The following ARFGEF3 variants were observed in gnomAD, a reference collection of about 807,000 sequenced individuals.
ARFGEF3 encodes brefeldin A-inhibited guanine nucleotide-exchange protein 3.
A neutral mutation model predicts 221.7 loss-of-function variants in ARFGEF3; 96 were observed. The ratio of observed to expected loss-of-function variants is 0.43; its 90% CI spans 0.37 to 0.51. The LOEUF (loss-of-function observed/expected upper bound fraction) is 0.51, where lower values mean the gene tolerates loss of function less well. ARFGEF3 is among the 20% of genes least tolerant of loss of function. The pLI, the probability that ARFGEF3 is intolerant of heterozygous loss-of-function variation, is 0.00. For synonymous variants in ARFGEF3, 1,145 were observed against 1,126.8 expected (o/e 1.02, Z -0.32); for missense variants, 2,410 against 2,789.9 (o/e 0.86, Z 3.07).
At chr6:138,198,901 C>T (rs1016542624) in intron 2 of ARFGEF3, among the ~76,000 whole-genome samples, 1 of 152,208 alleles carries the variant, frequency 6.6e-6, no homozygotes, top group Non-Finnish European at 1.5e-5. Context: ...GCTGACTCTC[C>T]GTGTAGACGT....
At chr6:138,318,001 T>C (rs1394683551) in intron 27 of ARFGEF3, among the ~76,000 whole-genome samples, 3 of 152,172 alleles carry the variant, frequency 2.0e-5, no homozygotes, top group African/African-American at 7.2e-5. Flanking sequence ...TTTCTCAAGA[T>C]CAAAGAAACT....
In ARFGEF3 at chr6:138,220,120, G is replaced by A. The variant is rs142023711; in HGVS notation, c.352-9664G>A. Among the ~76,000 whole-genome samples the A allele has an allele frequency of 2.5e-3, 377 of 152,200 alleles. 1 individual carries two copies. Among genetic ancestry groups the A allele is most frequent in the African/African-American group, 7.9e-3 (330 of 41,530 alleles). ...TGCAGCCTTGACCTCCAGGTCTCAG[G>A]TGATCCTCCAACCTCAGCCTACTGG... On this transcript the variant is annotated intron_variant, in intron 4 of 33. Coordinates refer to ENST00000251691, the MANE Select transcript of ARFGEF3 (RefSeq NM_020340.5).
At chr6:138,312,948 G>A (rs1392824084) in intron 25 of ARFGEF3, among the ~76,000 whole-genome samples, 1 of 152,160 alleles carries the variant, frequency 6.6e-6, no homozygotes, top group African/African-American at 2.4e-5. Flanking sequence ...GATCTCAAGT[G>A]ATCCGCCAGC....
At chr6:138,321,303 G>T in intron 29 of ARFGEF3, 78 bp downstream of exon 29, 2 of 821,966 alleles carry the variant, frequency 2.4e-6, no homozygotes, top group Non-Finnish European at 1.9e-6. Flanking sequence ...TTGTCTTTGT[G>T]GTAGGAATCG....
In ARFGEF3 at chr6:138,175,000, T is replaced by G. The variant is rs577219695; in HGVS notation, c.137+4287T>G. Among the ~76,000 whole-genome samples the G allele has an allele frequency of 1.4e-4, 22 of 152,334 alleles. No individual in the cohort carries two copies. The East Asian group carries it at 4.0e-3, about 28-fold the overall frequency. ...AGGACTTTTGAATGATTTAAGTGAC[T>G]GGTGACTGGATTCAGTTATGCATAA... is the stretch of plus-strand genomic sequence containing the variant. On this transcript the variant is annotated intron_variant, in intron 2 of 33. Transcript: ENST00000251691.
chr6:138,250,068 C>T (rs1392575780), intron 8 of ARFGEF3, among the ~76,000 whole-genome samples: 17 of 152,158 alleles, frequency 1.1e-4, no homozygotes. Context: ...AAACTGGATG[C>T]CTCTTCTACT....
intron 6 of ARFGEF3, among the ~76,000 whole-genome samples, chr6:138,240,275 T>C (rs1048230270): frequency 6.6e-5 from 10 of 152,218 alleles, no homozygotes; most frequent in Admixed American, 2.6e-4. Context: ...TCTTATAATA[T>C]ACACTCATAT....
At chr6:138,306,891 A>T (rs2114659453) in intron 22 of ARFGEF3, among the ~76,000 whole-genome samples, 1 of 151,972 alleles carries the variant, frequency 6.6e-6, no homozygotes, top group Admixed American at 6.5e-5. Context: ...TAAAACTTTT[A>T]AAAAGTCCAA....
chr6:138,259,828 C>T (rs1031312961), intron 10 of ARFGEF3, among the ~76,000 whole-genome samples: 38 of 152,028 alleles, frequency 2.5e-4, no homozygotes, highest in Non-Finnish European at 1.5e-4. Flanking sequence ...ACAGGAGAAT[C>T]GCTTGAACCC....
At chr6:138,264,364 T>C (rs542716594) in intron 12 of ARFGEF3, among the ~76,000 whole-genome samples, 1 of 152,104 alleles carries the variant, frequency 6.6e-6, no homozygotes, top group Non-Finnish European at 1.5e-5. Context: ...AGAAATAAAT[T>C]AATGGGTACA....
At chr6:138,172,016 T>A (rs1313899550) in intron 2 of ARFGEF3, among the ~76,000 whole-genome samples, 3 of 152,240 alleles carry the variant, frequency 2.0e-5, no homozygotes, top group Non-Finnish European at 4.4e-5. Context: ...TCTCTCTTTT[T>A]AAGTAGATTG....
rs554454800 is a variant in ARFGEF3, at chr6:138,325,538, C to T, written c.5001+1384C>T. On this transcript the variant is annotated intron_variant, in intron 31 of 33. Transcript: ENST00000251691. ...TGGGACAGAAGAAAGGTTGTAAGGCCGCAATGAAGAGCCACTTCTAGCAGC... is the reference window on the plus strand; with the variant it reads ...TGGGACAGAAGAAAGGTTGTAAGGCTGCAATGAAGAGCCACTTCTAGCAGC... Among the ~76,000 whole-genome samples, 12 of 152,312 alleles carry T rather than the reference C, an allele frequency of 7.9e-5. No homozygotes were observed. The South Asian group carries it at 1.5e-3, about 18-fold the overall frequency.
At chr6:138,222,256 TA>T (rs200681607) in intron 4 of ARFGEF3, among the ~76,000 whole-genome samples, 5 of 151,638 alleles carry the variant, frequency 3.3e-5, no homozygotes, top group East Asian at 1.9e-4. Context: ...CTGATGAGCT[TA>T]AAAAAAAATT....
rs1428865028 is a variant in ARFGEF3 at position 138,344,214 on chromosome 6, AGCTTGT to A, written c.*7729_*7734del. 3.3e-5 allele frequency: 5 copies of A among 152,186 alleles called. No individual in the cohort carries two copies. Among genetic ancestry groups the A allele is most frequent in the Non-Finnish European group, 5.9e-5 (4 of 68,038 alleles). The allele number at this position is 152,186 out of a possible 1,614,324, so 9.4% of individuals were successfully genotyped here. Reference sequence around the variant, plus strand: ...TTCATTGAAGATTATAAATAAATGAAGCTTGTTATAGCCATAATGATTTGAGTCAGT... The same window carrying A: ...TTCATTGAAGATTATAAATAAATGAATATAGCCATAATGATTTGAGTCAGT... On this transcript the variant is annotated 3_prime_UTR_variant, in exon 34 of 34. Coordinates refer to ENST00000251691, the MANE Select transcript of ARFGEF3 (RefSeq NM_020340.5).
At chr6:138,187,271 GA>G (rs1448462251) in intron 2 of ARFGEF3, among the ~76,000 whole-genome samples, 2 of 152,216 alleles carry the variant, frequency 1.3e-5, no homozygotes, top group African/African-American at 4.8e-5. Flanking sequence ...CTTGTGGATA[GA>G]AACAAAGCTT....
At chr6:138,336,253 C>G (rs759326928) in intron 33 of ARFGEF3, 42 bp from the exon 34 acceptor site, 67 of 1,441,640 alleles carry the variant, frequency 4.6e-5, no homozygotes, top group Non-Finnish European at 6.2e-5. Flanking sequence ...CAAATAAAAC[C>G]AGGGGGGAAA....
intron 21 of ARFGEF3, among the ~76,000 whole-genome samples, chr6:138,298,237 C>T (rs1366313431): frequency 6.6e-6 from 1 of 152,186 alleles, no homozygotes; most frequent in African/African-American, 2.4e-5. Context: ...CTCATCTGAT[C>T]TTCCTACATG....
chr6:138,294,427 C>CTTGTGGT (rs1779470155), intron 20 of ARFGEF3, among the ~76,000 whole-genome samples: 2 of 152,240 alleles, frequency 1.3e-5, no homozygotes, highest in African/African-American at 4.8e-5. Context: ...CCTTAGGGTG[C>CTTGTGGT]AGATAGCTTC....
intron 12 of ARFGEF3, among the ~76,000 whole-genome samples, chr6:138,276,722 G>A (rs1358421011): frequency 3.3e-5 from 5 of 152,142 alleles, no homozygotes; most frequent in Admixed American, 3.3e-4. Context: ...CTGGAATGTA[G>A]TGGTGTGATC....
Sources: gnomAD v4.1 joint callset for allele counts (sites outside exome capture counted in the v4.1 genomes callset) on GRCh38, gnomAD v4.1.1 for gene constraint, MANE v1.5 for transcripts, NCBI Gene and HGNC (gene_info 2026-07-23, HGNC 2026-07-21) for gene names.